The following SLAIN2 variants were observed in gnomAD, a reference collection of about 807,000 sequenced individuals.
SLAIN2 encodes SLAIN motif-containing protein 2.
A neutral mutation model predicts 56.6 loss-of-function variants in SLAIN2; 31 were observed. The ratio of observed to expected loss-of-function variants is 0.55; its 90% confidence interval spans 0.41 to 0.74. The LOEUF (loss-of-function observed/expected upper bound fraction) is 0.74, where lower values mean the gene tolerates loss of function less well. Ranked by LOEUF, SLAIN2 falls within the 30% of genes least tolerant of loss-of-function variation. SLAIN2 has a pLI of 0.00. For synonymous variants in SLAIN2, 317 were observed against 284.9 expected, an observed-to-expected ratio of 1.11 and a Z score of -1.13; for missense variants, 777 against 754.2, an observed-to-expected ratio of 1.03 and a Z score of -0.35.
chr4:48,371,971 T>TAC (rs35354568), intron 2 of SLAIN2, among the ~76,000 whole-genome samples: 3,107 of 148,070 alleles, frequency 0.021, 47 homozygotes, highest in Non-Finnish European at 0.031. Flanking sequence ...AAAAAGTATA[T>TAC]ACACACACAC....
rs372373347 is a variant in SLAIN2, at chr4:48,341,702, G to T, written c.-38G>T. ...TCTCTTTCCCTGTCGCTGCGAGAGCGAGCGGGCGGCGGAGGCGGCGGCGGC... is the reference window on the plus strand; with the variant it reads ...TCTCTTTCCCTGTCGCTGCGAGAGCTAGCGGGCGGCGGAGGCGGCGGCGGC... On this transcript the variant is annotated 5_prime_UTR_variant, in exon 1 of 8. Transcript: ENST00000264313. 6.6e-7 allele frequency: 1 copy of T among 1,521,032 alleles called. No individual in the cohort carries two copies. Among genetic ancestry groups the T allele is most frequent in the Non-Finnish European group, 8.8e-7 (1 of 1,134,108 alleles). 94.2% of individuals were successfully genotyped at this position (1,521,032 alleles called of 1,614,324 possible). A position where few individuals can be genotyped will look rare whatever the true frequency, so the allele number is the denominator to read the frequency against.
At chr4:48,362,644 C>A (rs956492982) in intron 1 of SLAIN2, among the ~76,000 whole-genome samples, 13 of 149,506 alleles carry the variant, frequency 8.7e-5, no homozygotes, top group Admixed American at 3.3e-4. Flanking sequence ...TGGTCTCGAT[C>A]TACTGACCTT....
chr4:48,421,983 T>G (rs759433637), intron 7 of SLAIN2, 28 bp from the exon 8 acceptor site: 4 of 1,545,956 alleles, frequency 2.6e-6, no homozygotes, highest in Non-Finnish European at 3.5e-6. Context: ...ATTTATCAAA[T>G]TTTAATTACA....
intron 4 of SLAIN2, among the ~76,000 whole-genome samples, chr4:48,382,331 C>T (rs145455465): frequency 2.1e-4 from 32 of 152,024 alleles, no homozygotes; most frequent in African/African-American, 6.3e-4. Context: ...AAGAAGAAAT[C>T]TGGAAATTGG....
intron 1 of SLAIN2, among the ~76,000 whole-genome samples, chr4:48,367,502 C>A (rs940750205): frequency 3.9e-5 from 6 of 151,964 alleles, no homozygotes; most frequent in Non-Finnish European, 7.4e-5. Flanking sequence ...GTAGGCTCAG[C>A]AAGTCTTGGT....
At chr4:48,394,031 A>G (rs1716299230) in intron 6 of SLAIN2, among the ~76,000 whole-genome samples, 1 of 152,198 alleles carries the variant, frequency 6.6e-6, no homozygotes, top group Non-Finnish European at 1.5e-5. Context: ...GAGGTAAAAA[A>G]TTAGTTGTAC....
intron 2 of SLAIN2, among the ~76,000 whole-genome samples, chr4:48,371,904 G>A (rs1465025436): frequency 2.6e-5 from 4 of 151,782 alleles, no homozygotes; most frequent in African/African-American, 9.7e-5. Flanking sequence ...TTGCACCACC[G>A]CACTCCGGCT....
At chr4:48,390,609 CTG>C (rs1010105109) in intron 6 of SLAIN2, among the ~76,000 whole-genome samples, 14 of 152,114 alleles carry the variant, frequency 9.2e-5, no homozygotes, top group African/African-American at 3.1e-4. Flanking sequence ...TATTTTATAA[CTG>C]TCAGTAAAAA....
At chr4:48,378,144 C>T (rs1017258494) in intron 3 of SLAIN2, 84 bp downstream of exon 3, 153 of 1,419,098 alleles carry the variant, frequency 1.1e-4, no homozygotes, top group Non-Finnish European at 1.4e-4. Flanking sequence ...ATCTGCAGTT[C>T]GAGTTCATTT....
chr4:48,380,989 A>T (rs1453115949), intron 4 of SLAIN2, among the ~76,000 whole-genome samples: 1 of 152,310 alleles, frequency 6.6e-6, no homozygotes, highest in East Asian at 1.9e-4. Context: ...TTAGCCCTGC[A>T]ACCTAATAGC....
At chr4:48,375,891 A>G (rs1424606954) in intron 2 of SLAIN2, among the ~76,000 whole-genome samples, 2 of 152,152 alleles carry the variant, frequency 1.3e-5, no homozygotes, top group African/African-American at 4.8e-5. Flanking sequence ...TCATCCTCTC[A>G]AGACTGCTTC....
intron 1 of SLAIN2, among the ~76,000 whole-genome samples, chr4:48,349,331 T>TA (rs1463032553): frequency 6.6e-6 from 1 of 152,230 alleles, no homozygotes. Flanking sequence ...GAAATCAATC[T>TA]ATCAGTGATG....
intron 4 of SLAIN2, among the ~76,000 whole-genome samples, chr4:48,380,624 C>T (rs369449121): frequency 2.6e-5 from 4 of 152,276 alleles, no homozygotes; most frequent in South Asian, 2.1e-4. Context: ...CCCTGGTACT[C>T]ATCTGAAGGT....
intron 2 of SLAIN2, among the ~76,000 whole-genome samples, chr4:48,374,649 TTATTC>T (rs1338214272): frequency 6.6e-6 from 1 of 152,160 alleles, no homozygotes; most frequent in Non-Finnish European, 1.5e-5. Context: ...TTTGGAAAGG[TTATTC>T]TAGTAGTAGT....
In SLAIN2 at chr4:48,386,337, T is replaced by C. The variant is rs1716099241; in HGVS notation, c.1360+2553T>C. Among the ~76,000 whole-genome samples the C allele has an allele frequency of 3.3e-5, 5 of 152,200 alleles. No homozygotes were observed. In the South Asian group the frequency reaches 1.0e-3, roughly 31 times the overall value. On this transcript the variant is annotated intron_variant, in intron 6 of 7. Coordinates refer to ENST00000264313, the MANE Select transcript of SLAIN2 (RefSeq NM_020846.2). ...TTTGAATGGCCAAATAACCTATCTCTGATTATACAGCTTATAAGCGGCAAG... is the reference window on the plus strand; with the variant it reads ...TTTGAATGGCCAAATAACCTATCTCCGATTATACAGCTTATAAGCGGCAAG...
At position 48,347,693 on chromosome 4, in the gene SLAIN2, C is replaced by A. The variant is rs551442308; in HGVS notation, c.389+5565C>A. On this transcript the variant is annotated intron_variant, in intron 1 of 7. Transcript: ENST00000264313. ...CATTAAGTACATTCACAATGTTGTG[C>A]AATCATCGCCACCATCCATCTCTAG... Among the ~76,000 whole-genome samples, 4 of 152,298 alleles carry A rather than the reference C, an allele frequency of 2.6e-5. No homozygotes were observed. In the East Asian group the frequency reaches 7.7e-4, roughly 29 times the overall value.
chr4:48,352,389 A>G (rs1192784847), intron 1 of SLAIN2, among the ~76,000 whole-genome samples: 4 of 152,232 alleles, frequency 2.6e-5, no homozygotes, highest in Non-Finnish European at 4.4e-5. Flanking sequence ...CCATTTACCT[A>G]TGAAGGAAAT....
At chr4:48,411,296 A>AT (rs1716839732) in intron 6 of SLAIN2, among the ~76,000 whole-genome samples, 2 of 152,062 alleles carry the variant, frequency 1.3e-5, no homozygotes, top group African/African-American at 4.8e-5. Context: ...GCAGCATGTG[A>AT]TTCGTTTTGG....
intron 1 of SLAIN2, 130 bp from the exon 2 acceptor site, chr4:48,369,719 T>C: frequency 5.4e-6 from 4 of 737,818 alleles, no homozygotes; most frequent in Non-Finnish European, 8.3e-6. Context: ...TAAGTAAATG[T>C]GGGTGATTTA....
Sources: gnomAD v4.1 joint callset for allele counts (sites outside exome capture counted in the v4.1 genomes callset) on GRCh38, gnomAD v4.1.1 for gene constraint, MANE v1.5 for transcripts, NCBI Gene and HGNC (gene_info 2026-07-23, HGNC 2026-07-21) for gene names.